CC2D2B: variants seen among roughly 807,000 people sequenced by gnomAD.
CC2D2B encodes the protein coiled-coil and C2 domain containing 2B, also known as protein CC2D2B.
Under a neutral mutation model 161.2 loss-of-function variants are expected in CC2D2B, and 128 were observed. That is an observed-to-expected ratio of 0.79 (90% CI 0.69 to 0.92). The LOEUF is 0.92. Among genes scored for constraint, CC2D2B ranks in the 40% least tolerant of loss-of-function variants. CC2D2B has a pLI of 0.00. For synonymous variants in CC2D2B, 391 were observed against 449.8 expected (o/e 0.87, Z 1.65); for missense variants, 1,173 against 1,375.1 (o/e 0.85, Z 2.32).
chr10:95,919,226 T>C (rs962789722), intron 2 of CC2D2B: 1 of 152,196 alleles, frequency 6.6e-6, no homozygotes, highest in Admixed American at 6.5e-5. Context: ...TTTATTCTAA[T>C]ATTTGCAGTC....
chr10:96,025,170 T>TAAAAAA (rs1564683762), intron 33 of CC2D2B, among the ~76,000 whole-genome samples: 2 of 19,314 alleles, frequency 1.0e-4, no homozygotes, highest in East Asian at 4.1e-3. Flanking sequence ...TATATATATA[T>TAAAAAA]ATATATATAT....
chr10:96,022,778 G>C (rs990989518), intron 32 of CC2D2B: 8 of 152,256 alleles, frequency 5.3e-5, no homozygotes, highest in African/African-American at 1.9e-4. Flanking sequence ...GAAACAGAAG[G>C]GAACAAGCAA....
chr10:95,910,011 C>T (rs553514237), intron 1 of CC2D2B, among the ~76,000 whole-genome samples: 66 of 152,126 alleles, frequency 4.3e-4, no homozygotes, highest in Non-Finnish European at 7.8e-4. Context: ...AATAATTAGC[C>T]GAGCCTTAGA....
intron 1 of CC2D2B, among the ~76,000 whole-genome samples, chr10:95,910,012 G>A (rs1018479509): frequency 6.6e-5 from 10 of 152,066 alleles, no homozygotes; most frequent in Admixed American, 2.0e-4. Flanking sequence ...ATAATTAGCC[G>A]AGCCTTAGAG....
At chr10:95,953,112 A>C (rs1440609120) in intron 10 of CC2D2B, among the ~76,000 whole-genome samples, 2 of 152,184 alleles carry the variant, frequency 1.3e-5, no homozygotes, top group Non-Finnish European at 2.9e-5. Context: ...TCTAGATGTA[A>C]GTCCATAAAA....
In CC2D2B at chr10:95,938,927, T is replaced by A; in HGVS notation, c.801+2T>A. The A allele has an allele frequency of 1.5e-6, 1 of 672,532 alleles. No homozygotes were observed. The allele number at this position is 672,532 out of a possible 1,614,324, so 41.7% of individuals were successfully genotyped here. On this transcript the variant is annotated splice_donor_variant, in intron 9 of 34. Coordinates refer to ENST00000646931, the MANE Select transcript of CC2D2B (RefSeq NM_001349008.3). LOFTEE classifies it high-confidence loss of function. ...TTACTTAAGACCATATACAGGAAGG[T>A]AACCAACAACAATTTATTTGTAATT...
intron 22 of CC2D2B, among the ~76,000 whole-genome samples, chr10:95,994,059 G>T (rs186177467): frequency 6.9e-6 from 1 of 145,984 alleles, no homozygotes; most frequent in East Asian, 2.0e-4. Flanking sequence ...ACGAGAGATA[G>T]TAAGAAATAA....
At chr10:96,029,279 TA>T in intron 34 of CC2D2B, among the ~76,000 whole-genome samples, 1 of 61,670 alleles carries the variant, frequency 1.6e-5, no homozygotes, top group Non-Finnish European at 3.1e-5. Context: ...TATATATATA[TA>T]TATATGTATA....
rs1312464491 is a variant in CC2D2B, at chr10:95,924,821, A to G, written c.217A>G (p.Ser73Gly). 1.3e-6 allele frequency: 2 copies of G among 1,546,734 alleles called. No individual in the cohort carries two copies. The highest frequency in any genetic ancestry group is 1.4e-5 in the African/African-American group (1 of 73,068). ...ATCTTCAACTGAGCAGCTCATTGAT[A>G]GCGAAATACATCAAAGGTCCAAGGT... ...EKSSTEQLID[S>G]EIHQRSKLSP... Residue 73 changes from serine to glycine, a missense_variant, in exon 5 of 35, where the codon AGC (serine) becomes GGC (glycine). This residue lies in a region of CC2D2B where 298 missense variants were observed against 261.2 expected (regional missense o/e 1.14). Transcript: ENST00000646931.
At chr10:95,913,094 T>C (rs1354085930) in intron 2 of CC2D2B, among the ~76,000 whole-genome samples, 1 of 151,830 alleles carries the variant, frequency 6.6e-6, no homozygotes, top group Admixed American at 6.6e-5. Flanking sequence ...CCTTCCCCAT[T>C]CCCTGCCCCC....
Position 95,965,946 on chromosome 10 carries a change from A to T in CC2D2B, c.1301A>T (p.Glu434Val). ...DEQEQISEMSETEKKNEGKEL... is the reference protein window; with the variant it reads ...DEQEQISEMSVTEKKNEGKEL... ...CAAGAGCAAATCTCAGAAATGTCTG[A>T]AACTGAGAAGAAAAATGAAGGAAAA... Residue 434 changes from glutamate (E) to valine (V), a missense_variant, in exon 13 of 35, where the codon GAA becomes GTA. Physicochemically the swap from Glu to Val is moderately radical, Grantham distance 121. Around this residue, in one of 3 missense-constraint regions of CC2D2B, gnomAD observed 277 missense variants for 420.6 expected, o/e 0.66. Coordinates refer to ENST00000646931, the MANE Select transcript of CC2D2B (RefSeq NM_001349008.3). The T allele has an allele frequency of 9.0e-6, 11 of 1,220,208 alleles. No homozygotes were observed. The highest frequency in any genetic ancestry group is 1.1e-5 in the Non-Finnish European group (11 of 977,362). 75.6% of individuals were successfully genotyped at this position (1,220,208 alleles called of 1,614,324 possible).
chr10:95,995,432 T>A, intron 23 of CC2D2B, 67 bp downstream of exon 23: 1 of 764,044 alleles, frequency 1.3e-6, no homozygotes, highest in Non-Finnish European at 2.0e-6. Flanking sequence ...AATTGACTCT[T>A]AATTCATCTC....
At chr10:95,923,212 G>C (rs1014593208) in intron 3 of CC2D2B, among the ~76,000 whole-genome samples, 4 of 152,106 alleles carry the variant, frequency 2.6e-5, no homozygotes, top group African/African-American at 9.7e-5. Flanking sequence ...AAAGTGCTGG[G>C]ATTACAGGCG....
At chr10:95,984,162 A>G (rs570352023) in intron 19 of CC2D2B, among the ~76,000 whole-genome samples, 308 of 152,332 alleles carry the variant, frequency 2.0e-3, no homozygotes, top group African/African-American at 7.0e-3. Flanking sequence ...AAACTTAAAC[A>G]TTAATTATAA....
chr10:95,909,356 A>G (rs1454232402), intron 1 of CC2D2B, among the ~76,000 whole-genome samples: 1 of 152,214 alleles, frequency 6.6e-6, no homozygotes, highest in Non-Finnish European at 1.5e-5. Context: ...TTTTTACAAA[A>G]TGCTATTGTT....
intron 33 of CC2D2B, among the ~76,000 whole-genome samples, chr10:96,026,142 A>G (rs1350377664): frequency 6.6e-6 from 1 of 152,102 alleles, no homozygotes; most frequent in Non-Finnish European, 1.5e-5. Context: ...ACTCCAAACT[A>G]CTTAGTTGCA....
At chr10:95,967,589 G>A (rs1007215604) in intron 14 of CC2D2B, among the ~76,000 whole-genome samples, 1 of 152,098 alleles carries the variant, frequency 6.6e-6, no homozygotes, top group African/African-American at 2.4e-5. Context: ...CAGGTGAAGA[G>A]AAAGGCAAGA....
In CC2D2B at chr10:95,922,059, A is replaced by G; in HGVS notation, c.80A>G (p.Asp27Gly). The change falls in exon 3 of 35, where the codon GAC becomes GGC. Residue 27 changes from aspartate (D) to glycine (G), a missense_variant. Around this residue, in one of 3 missense-constraint regions of CC2D2B, gnomAD observed 298 missense variants for 261.2 expected, o/e 1.14. Transcript: ENST00000646931. ...MDNITAEEII[D>G]KHLQKDLDAE... ...AATATTACAGCTGAAGAAATTATAG[A>G]CAAGCATCTCCAAAAAGGTTCTCAA... The G allele has an allele frequency of 6.5e-7, 1 of 1,536,878 alleles. No homozygotes were observed. The highest frequency in any genetic ancestry group is 8.8e-7 in the Non-Finnish European group (1 of 1,135,366).
At chr10:95,945,592 A>T (rs370059150) in intron 9 of CC2D2B, among the ~76,000 whole-genome samples, 1 of 152,018 alleles carries the variant, frequency 6.6e-6, no homozygotes, top group Non-Finnish European at 1.5e-5. Flanking sequence ...TTATATGTCA[A>T]CCAGCTTGGA....
Sources: gnomAD v4.1 joint callset for allele counts (sites outside exome capture counted in the v4.1 genomes callset) on GRCh38, gnomAD v4.1.1 for gene constraint, gnomAD v4.1.1 regional missense constraint, MANE v1.5 for transcripts, NCBI Gene and HGNC (gene_info 2026-07-23, HGNC 2026-07-21) for gene names.